CAMK1G: variants seen among roughly 807,000 people sequenced by gnomAD.
CAMK1G encodes the protein calcium/calmodulin dependent protein kinase IG.
A neutral mutation model predicts 54.8 loss-of-function variants in CAMK1G; 27 were observed. The ratio of observed to expected loss-of-function variants is 0.49; its 90% CI spans 0.36 to 0.68. The LOEUF (loss-of-function observed/expected upper bound fraction) is 0.68, where lower values mean the gene tolerates loss of function less well. CAMK1G is among the 30% of genes least tolerant of loss of function. The pLI is 0.00. For synonymous variants in CAMK1G, 238 were observed against 224.9 expected (o/e 1.06, Z -0.52); for missense variants, 512 against 591.0 (o/e 0.87, Z 1.39).
Position 209,603,262 on chromosome 1 carries a change from C to A in CAMK1G, c.270C>A (p.Thr90=). The A allele has an allele frequency of 6.2e-7, 1 of 1,614,034 alleles. No homozygotes were observed. Among genetic ancestry groups the A allele is most frequent in the Non-Finnish European group, 8.5e-7 (1 of 1,179,914 alleles). ...IVTLEDIYES[T]THYYLVMQLV... ...CCCTGGAGGACATCTATGAGAGCAC[C>A]ACCCACTACTACCTGGTCATGCAGC... The change falls in exon 4 of 13, where the codon ACC becomes ACA. Residue 90 remains threonine, a synonymous_variant. Transcript: ENST00000361322.
chr1:209,599,680 T>C (rs573104510), intron 2 of CAMK1G, among the ~76,000 whole-genome samples: 1 of 152,222 alleles, frequency 6.6e-6, no homozygotes, highest in African/African-American at 2.4e-5. Context: ...ATTGACCCTA[T>C]TATGTGTTTT....
chr1:209,608,692 A>G (rs188660281), intron 7 of CAMK1G, among the ~76,000 whole-genome samples: 4 of 152,368 alleles, frequency 2.6e-5, no homozygotes, highest in African/African-American at 7.2e-5. Flanking sequence ...TATTTTATAT[A>G]GCATTCATAA....
At chr1:209,612,969 C>A in intron 12 of CAMK1G, 57 bp downstream of exon 12, 1 of 920,386 alleles carries the variant, frequency 1.1e-6, no homozygotes, top group Non-Finnish European at 1.8e-6. Flanking sequence ...AGGAGAGCCC[C>A]ATGCCAGAGT....
In CAMK1G at chr1:209,612,928, G is replaced by A; in HGVS notation, c.*37+16G>A. 1.6e-6 allele frequency: 2 copies of A among 1,269,768 alleles called. No homozygotes were observed. The highest frequency in any genetic ancestry group is 2.3e-6 in the Non-Finnish European group (2 of 872,122). 78.7% of individuals were successfully genotyped at this position (1,269,768 alleles called of 1,614,324 possible). On this transcript the variant is annotated intron_variant, in intron 12 of 12. Coordinates refer to ENST00000361322, the MANE Select transcript of CAMK1G (RefSeq NM_020439.3). ...CAATTTTCAGGTTAGGAGGGTCACAGTGTGAGGCTTGGGGAGAGTTTCTGT... is the reference window on the plus strand; with the variant it reads ...CAATTTTCAGGTTAGGAGGGTCACAATGTGAGGCTTGGGGAGAGTTTCTGT...
rs1389496399 is a variant in CAMK1G, at chr1:209,613,580, T to C, written c.*578T>C. 6.6e-6 allele frequency: 1 copy of C among 152,140 alleles called. No individual in the cohort carries two copies. The highest frequency in any genetic ancestry group is 1.9e-4 in the East Asian group (1 of 5,178). 9.4% of individuals were successfully genotyped at this position (152,140 alleles called of 1,614,324 possible). On this transcript the variant is annotated 3_prime_UTR_variant, in exon 13 of 13. Coordinates refer to ENST00000361322, the MANE Select transcript of CAMK1G (RefSeq NM_020439.3). ...TGTGAGCTCTTCAAGTTCTAATCCT[T>C]AACTCCAGGATTAGCTCCCAAGTGC... is the stretch of plus-strand genomic sequence containing the variant.
chr1:209,607,061 T>G (rs932972638), intron 6 of CAMK1G, among the ~76,000 whole-genome samples: 15 of 152,128 alleles, frequency 9.9e-5, no homozygotes, highest in Non-Finnish European at 1.6e-4. Flanking sequence ...AAGTTGAAAC[T>G]CAGAGCATCC....
chr1:209,598,445 T>C (rs1387552065), intron 2 of CAMK1G, among the ~76,000 whole-genome samples: 4 of 152,236 alleles, frequency 2.6e-5, no homozygotes, highest in Non-Finnish European at 5.9e-5. Context: ...CTGAGTCACA[T>C]TGAAAGTGGC....
chr1:209,589,793 A>G (rs945248887), intron 1 of CAMK1G, among the ~76,000 whole-genome samples: 1 of 152,228 alleles, frequency 6.6e-6, no homozygotes, highest in African/African-American at 2.4e-5. Flanking sequence ...GACTCCTATC[A>G]TAGAAATGTC....
chr1:209,607,281 A>G (rs1373829433), intron 6 of CAMK1G, among the ~76,000 whole-genome samples: 1 of 152,204 alleles, frequency 6.6e-6, no homozygotes, highest in African/African-American at 2.4e-5. Flanking sequence ...TCCTAATCAG[A>G]GGAAGTCATG....
intron 3 of CAMK1G, 31 bp from the exon 4 acceptor site, chr1:209,603,183 T>A: frequency 3.7e-6 from 6 of 1,612,742 alleles, no homozygotes; most frequent in Non-Finnish European, 5.1e-6. Flanking sequence ...CTGAACCACA[T>A]ACCTTTCATC....
At chr1:209,585,262 C>T (rs1665068436) in intron 1 of CAMK1G, among the ~76,000 whole-genome samples, 1 of 152,174 alleles carries the variant, frequency 6.6e-6, no homozygotes. Flanking sequence ...CATGCTGTCC[C>T]CAGCCTCCAT....
intron 1 of CAMK1G, among the ~76,000 whole-genome samples, chr1:209,591,939 A>C (rs1307019737): frequency 6.6e-6 from 1 of 152,128 alleles, no homozygotes; most frequent in Non-Finnish European, 1.5e-5. Context: ...ATCCCCTCAT[A>C]GGGCCATGAG....
At chr1:209,592,187 A>C (rs2102382692) in intron 1 of CAMK1G, among the ~76,000 whole-genome samples, 1 of 152,062 alleles carries the variant, frequency 6.6e-6, no homozygotes, top group South Asian at 2.1e-4. Flanking sequence ...TCTTTGGAAA[A>C]AAAATTAATA....
chr1:209,595,708 T>C, intron 2 of CAMK1G, among the ~76,000 whole-genome samples: 1 of 152,216 alleles, frequency 6.6e-6, no homozygotes, highest in East Asian at 1.9e-4. Context: ...AGGGAGCTCG[T>C]GGGTCACACA....
At chr1:209,606,656 C>G (rs958893571) in intron 6 of CAMK1G, among the ~76,000 whole-genome samples, 1 of 152,220 alleles carries the variant, frequency 6.6e-6, no homozygotes, top group Non-Finnish European at 1.5e-5. Context: ...AGACCGCCTA[C>G]CCCTGAGCCC....
intron 9 of CAMK1G, among the ~76,000 whole-genome samples, chr1:209,610,468 T>C (rs1352641533): frequency 6.6e-6 from 1 of 152,246 alleles, no homozygotes; most frequent in African/African-American, 2.4e-5. Flanking sequence ...TAATATGGCC[T>C]GACCCTTTAT....
At chr1:209,592,834 C>T (rs1486543704) in intron 1 of CAMK1G, among the ~76,000 whole-genome samples, 1 of 152,154 alleles carries the variant, frequency 6.6e-6, no homozygotes, top group African/African-American at 2.4e-5. Flanking sequence ...GTCTAAGTCT[C>T]ATAGTTGTGT....
intron 10 of CAMK1G, 67 bp from the exon 11 acceptor site, chr1:209,611,725 G>A (rs1225726619): frequency 1.3e-6 from 2 of 1,566,836 alleles, no homozygotes; most frequent in Admixed American, 1.8e-5. Context: ...CAAGGCAAAG[G>A]GAAAGTTTAA....
intron 1 of CAMK1G, among the ~76,000 whole-genome samples, chr1:209,594,339 G>A (rs2102384169): frequency 6.6e-6 from 1 of 152,334 alleles, no homozygotes; most frequent in Non-Finnish European, 1.5e-5. Context: ...CTTGCACACG[G>A]TAGGTGCTAA....
Sources: gnomAD v4.1 joint callset for allele counts (sites outside exome capture counted in the v4.1 genomes callset) on GRCh38, gnomAD v4.1.1 for gene constraint, MANE v1.5 for transcripts, NCBI Gene and HGNC (gene_info 2026-07-23, HGNC 2026-07-21) for gene names.